The following MED27 variants were observed in gnomAD, a reference collection of about 807,000 sequenced individuals.
MED27 encodes mediator complex subunit 27.
In MED27, 30 loss-of-function variants were observed where a neutral mutation model predicts 38.2. That is an observed-to-expected ratio of 0.79 (90% CI 0.59 to 1.07). MED27 has a LOEUF of 1.07. Ranked by LOEUF, MED27 falls within the 50% of genes least tolerant of loss-of-function variation. The pLI, the probability that MED27 is intolerant of heterozygous loss-of-function variation, is 0.00. For missense variants in MED27, 289 were observed against 397.5 expected (o/e 0.73, Z 2.32); for synonymous variants, 122 against 153.5 (o/e 0.79, Z 1.52).
intron 2 of MED27, among the ~76,000 whole-genome samples, chr9:132,039,970 T>C (rs757580026): frequency 6.6e-5 from 10 of 152,198 alleles, no homozygotes; most frequent in Non-Finnish European, 1.0e-4. Context: ...CATAAGACCA[T>C]AGAAGGGTGA....
At chr9:132,071,766 G>A (rs914590566) in intron 2 of MED27, among the ~76,000 whole-genome samples, 11 of 150,700 alleles carry the variant, frequency 7.3e-5, no homozygotes, top group African/African-American at 2.7e-4. Flanking sequence ...ACATGCATAC[G>A]AGTAACACAC....
chr9:132,004,759 G>A (rs1477999872), intron 3 of MED27, among the ~76,000 whole-genome samples: 2 of 152,166 alleles, frequency 1.3e-5, no homozygotes, highest in South Asian at 2.1e-4. Flanking sequence ...AATCCACTAA[G>A]AGCCACGGGC....
intron 2 of MED27, chr9:132,073,599 CAGAGAT>C: frequency 7.0e-7 from 1 of 1,419,532 alleles, no homozygotes; most frequent in East Asian, 2.7e-5. Context: ...AGAGCACCTT[CAGAGAT>C]AGATGTGAGA....
chr9:132,013,377 T>A (rs1199468670), intron 3 of MED27, among the ~76,000 whole-genome samples: 1 of 152,232 alleles, frequency 6.6e-6, no homozygotes, highest in Admixed American at 6.5e-5. Context: ...CAATATTAAC[T>A]GTTTAAAGAA....
At chr9:132,038,337 G>A (rs1324229982) in intron 2 of MED27, among the ~76,000 whole-genome samples, 4 of 150,364 alleles carry the variant, frequency 2.7e-5, no homozygotes, top group Non-Finnish European at 3.0e-5. Flanking sequence ...GACTACAGGC[G>A]CCCGCCACTA....
chr9:132,021,087 T>C (rs1177478117), intron 2 of MED27, among the ~76,000 whole-genome samples: 1 of 152,210 alleles, frequency 6.6e-6, no homozygotes, highest in Non-Finnish European at 1.5e-5. Context: ...CCATTTGAGT[T>C]TCTTTCTTCC....
At chr9:131,953,720 G>T (rs1831041779) in intron 3 of MED27, among the ~76,000 whole-genome samples, 2 of 152,090 alleles carry the variant, frequency 1.3e-5, no homozygotes, top group Non-Finnish European at 1.5e-5. Flanking sequence ...TTACAGTAAG[G>T]CAGGTAATTA....
chr9:131,960,343 T>C (rs775527805), intron 3 of MED27, among the ~76,000 whole-genome samples: 2 of 152,218 alleles, frequency 1.3e-5, no homozygotes, highest in African/African-American at 2.4e-5. Context: ...GCTCCAAATA[T>C]CACCATATGC....
chr9:131,952,146 T>C (rs578020833), intron 3 of MED27, among the ~76,000 whole-genome samples: 1 of 152,350 alleles, frequency 6.6e-6, no homozygotes, highest in South Asian at 2.1e-4. Flanking sequence ...TTTTCCTCTC[T>C]GGCTTCCAGC....
At chr9:131,919,337 C>T (rs1412384414) in intron 4 of MED27, among the ~76,000 whole-genome samples, 1 of 152,176 alleles carries the variant, frequency 6.6e-6, no homozygotes, top group Non-Finnish European at 1.5e-5. Context: ...TTGCTGGGTC[C>T]TGAGTTCACC....
At chr9:132,001,590 G>A (rs1401299815) in intron 3 of MED27, among the ~76,000 whole-genome samples, 1 of 152,174 alleles carries the variant, frequency 6.6e-6, no homozygotes, top group African/African-American at 2.4e-5. Flanking sequence ...CTGTGGATCT[G>A]AGCATAATAA....
At chr9:131,871,272 G>C (rs537894768) in intron 6 of MED27, among the ~76,000 whole-genome samples, 1 of 152,296 alleles carries the variant, frequency 6.6e-6, no homozygotes, top group East Asian at 1.9e-4. Flanking sequence ...ACAGGTTTAG[G>C]CCTAGCAAGA....
chr9:131,898,709 C>G (rs1234233300), intron 4 of MED27, among the ~76,000 whole-genome samples: 5 of 151,784 alleles, frequency 3.3e-5, no homozygotes. Context: ...CTTGCCTTTT[C>G]TAGTTGCTGG....
At chr9:132,072,866 C>T (rs1324384450) in intron 2 of MED27, among the ~76,000 whole-genome samples, 10 of 151,984 alleles carry the variant, frequency 6.6e-5, no homozygotes, top group Admixed American at 5.9e-4. Flanking sequence ...AGGGGTGGGC[C>T]TGGTGGGAAG....
intron 6 of MED27, among the ~76,000 whole-genome samples, chr9:131,870,920 G>A (rs1226328410): frequency 6.6e-6 from 1 of 152,232 alleles, no homozygotes; most frequent in Non-Finnish European, 1.5e-5. Context: ...GATTGAATGA[G>A]TCTCCCTGCT....
At chr9:131,867,103 T>A (rs555542540) in intron 6 of MED27, among the ~76,000 whole-genome samples, 46 of 152,338 alleles carry the variant, frequency 3.0e-4, no homozygotes, top group African/African-American at 1.1e-3. Flanking sequence ...TTCGTGTCAA[T>A]TTCCCTACCT....
chr9:132,036,382 T>TTCTTGTAGACC (rs1035276742), intron 2 of MED27, among the ~76,000 whole-genome samples: 2 of 152,066 alleles, frequency 1.3e-5, no homozygotes, highest in African/African-American at 4.8e-5. Context: ...TGTTTCTATT[T>TTCTTGTAGACC]TCTTGTAGAG....
At chr9:132,074,237 C>T (rs1834001103) in intron 2 of MED27, among the ~76,000 whole-genome samples, 1 of 152,196 alleles carries the variant, frequency 6.6e-6, no homozygotes. Context: ...AACATCATTC[C>T]ATTAGATGGG....
intron 4 of MED27, among the ~76,000 whole-genome samples, chr9:131,923,159 C>G (rs2042866972): frequency 6.6e-6 from 1 of 152,202 alleles, no homozygotes; most frequent in Non-Finnish European, 1.5e-5. Context: ...CTCCTGTGTA[C>G]AGACACATCT....
Sources: allele counts gnomAD v4.1 joint callset (sites outside exome capture counted in the v4.1 genomes callset), GRCh38; gene constraint gnomAD v4.1.1; transcripts MANE v1.5; gene names NCBI Gene and HGNC (gene_info 2026-07-23, HGNC 2026-07-21).